Variants in CDH6 observed in about 807,000 individuals in gnomAD.
The protein encoded by CDH6 is cadherin 6, also known as cadherin-6.
A neutral mutation model predicts 78.0 loss-of-function variants in CDH6; 31 were observed. That is an observed-to-expected ratio of 0.40 (90% CI 0.30 to 0.54). CDH6 has a LOEUF of 0.54. CDH6 is among the 20% of genes least tolerant of loss of function. CDH6 has a pLI of 0.56. For synonymous variants in CDH6, 376 were observed against 368.8 expected (o/e 1.02, Z -0.23); for missense variants, 724 against 975.9 (o/e 0.74, Z 3.44).
chr5:31,246,950 C>G (rs1385021134), intron 1 of CDH6, among the ~76,000 whole-genome samples: 2 of 152,114 alleles, frequency 1.3e-5, no homozygotes, highest in Non-Finnish European at 2.9e-5. Flanking sequence ...GGGGTTTCAC[C>G]ATGTTAGCCA....
chr5:31,296,707 C>CG (rs1737615591), intron 3 of CDH6, among the ~76,000 whole-genome samples: 1 of 152,154 alleles, frequency 6.6e-6, no homozygotes, highest in African/African-American at 2.4e-5. Context: ...TGTCACATTA[C>CG]TTAAGTCCAA....
chr5:31,238,747 A>C (rs1460112151), intron 1 of CDH6, among the ~76,000 whole-genome samples: 2 of 152,308 alleles, frequency 1.3e-5, no homozygotes, highest in East Asian at 3.9e-4. Flanking sequence ...CAATATCTCA[A>C]GTGCCAATAG....
chr5:31,197,550 C>G (rs1464471086), intron 1 of CDH6, among the ~76,000 whole-genome samples: 3 of 152,164 alleles, frequency 2.0e-5, no homozygotes, highest in Non-Finnish European at 4.4e-5. Context: ...TGTAGACAAT[C>G]AAACTTTCTC....
chr5:31,227,168 C>T (rs1173774272), intron 1 of CDH6, among the ~76,000 whole-genome samples: 1 of 152,086 alleles, frequency 6.6e-6, no homozygotes, highest in African/African-American at 2.4e-5. Flanking sequence ...CACCCTATCC[C>T]ACTTCACCCC....
intron 1 of CDH6, among the ~76,000 whole-genome samples, chr5:31,232,650 G>A (rs1741345107): frequency 6.6e-6 from 1 of 152,208 alleles, no homozygotes; most frequent in African/African-American, 2.4e-5. Flanking sequence ...CAAAGCAAAT[G>A]GATTTGAGTG....
chr5:31,218,541 A>C (rs1740927169), intron 1 of CDH6, among the ~76,000 whole-genome samples: 1 of 152,096 alleles, frequency 6.6e-6, no homozygotes, highest in South Asian at 2.1e-4. Context: ...ATCTTCCCCC[A>C]TTCTACCCAA....
intron 3 of CDH6, among the ~76,000 whole-genome samples, chr5:31,295,422 G>A (rs1324953347): frequency 1.3e-5 from 2 of 152,072 alleles, no homozygotes; most frequent in East Asian, 3.9e-4. Flanking sequence ...CAGCTATGCA[G>A]GTATTGCACT....
chr5:31,280,340 A>G (rs551641617), intron 2 of CDH6, among the ~76,000 whole-genome samples: 1 of 152,310 alleles, frequency 6.6e-6, no homozygotes, highest in Non-Finnish European at 1.5e-5. Flanking sequence ...ATGTACAAGC[A>G]TTCCTCAGGT....
At chr5:31,240,590 C>T (rs1380198518) in intron 1 of CDH6, among the ~76,000 whole-genome samples, 2 of 152,160 alleles carry the variant, frequency 1.3e-5, no homozygotes, top group Non-Finnish European at 2.9e-5. Flanking sequence ...CCTCCCTCTG[C>T]TAGGAAAACT....
At chr5:31,239,340 C>G (rs1223371600) in intron 1 of CDH6, among the ~76,000 whole-genome samples, 1 of 152,148 alleles carries the variant, frequency 6.6e-6, no homozygotes, top group Non-Finnish European at 1.5e-5. Context: ...TTCTTGGCTT[C>G]AAGTTCAGAC....
At chr5:31,215,270 C>G (rs1740831891) in intron 1 of CDH6, among the ~76,000 whole-genome samples, 1 of 152,188 alleles carries the variant, frequency 6.6e-6, no homozygotes, top group Non-Finnish European at 1.5e-5. Context: ...CTACACTGGT[C>G]CCTGAAATAG....
Position 31,281,288 on chromosome 5 carries a change from T to A in CDH6, c.229-12674T>A, listed in dbSNP as rs576885869. 1.0e-3 allele frequency among the ~76,000 whole-genome samples: 140 copies of A among 138,974 alleles called. 5 individuals carry two copies. Among genetic ancestry groups the A allele is most frequent in the Non-Finnish European group, 4.2e-4 (28 of 66,580 alleles). 91.2% of individuals were successfully genotyped at this position (138,974 alleles called of 152,430 possible). A position where few individuals can be genotyped will look rare whatever the true frequency, so the allele number is the denominator to read the frequency against. On this transcript the variant is annotated intron_variant, in intron 2 of 11. Transcript: ENST00000265071. Reference sequence around the variant, plus strand: ...TATTGATACTCTCCTCCAAGACATATGTGTCAAAGAGAAAGAGAGAGAGAG... The same window carrying A: ...TATTGATACTCTCCTCCAAGACATAAGTGTCAAAGAGAAAGAGAGAGAGAG...
Position 31,323,785 on chromosome 5 carries a change from A to T in CDH6, c.*477A>T, listed in dbSNP as rs1183349683. 4.3e-6 allele frequency: 1 copy of T among 231,794 alleles called. No homozygotes were observed. The highest frequency in any genetic ancestry group is 2.2e-5 in the African/African-American group (1 of 45,252). 14.4% of individuals were successfully genotyped at this position (231,794 alleles called of 1,614,324 possible). On this transcript the variant is annotated 3_prime_UTR_variant, in exon 12 of 12. Coordinates refer to ENST00000265071, the MANE Select transcript of CDH6 (RefSeq NM_004932.4). ...CTACATAGGGGTGTTTATTTGTGTC[A>T]CAAAGAATTTAAAATAACACTTGCC...
At chr5:31,199,687 A>G (rs4867318) in intron 1 of CDH6, among the ~76,000 whole-genome samples, 22,863 of 64,354 alleles carry the variant, frequency 0.36, 2,342 homozygotes, top group African/African-American at 0.39. Flanking sequence ...GTGTGTGTGT[A>G]TATATATATA....
chr5:31,302,959 G>A (rs1737866215), intron 6 of CDH6, among the ~76,000 whole-genome samples: 9 of 121,600 alleles, frequency 7.4e-5, no homozygotes, highest in Non-Finnish European at 1.1e-4. Flanking sequence ...AAGAAAGAAG[G>A]AAAGAAAAGA....
chr5:31,258,559 C>A (rs1302887739), intron 1 of CDH6, among the ~76,000 whole-genome samples: 3 of 151,880 alleles, frequency 2.0e-5, no homozygotes, highest in Non-Finnish European at 4.4e-5. Context: ...ATGGGTGCAA[C>A]AAACCACCAT....
intron 1 of CDH6, among the ~76,000 whole-genome samples, chr5:31,199,341 C>T (rs909019813): frequency 5.5e-5 from 8 of 146,502 alleles, no homozygotes; most frequent in Non-Finnish European, 7.5e-5. Context: ...TGTGTATATA[C>T]ATATGGTGTA....
At chr5:31,298,096 G>A (rs1370494317) in intron 4 of CDH6, among the ~76,000 whole-genome samples, 1 of 152,162 alleles carries the variant, frequency 6.6e-6, no homozygotes, top group Non-Finnish European at 1.5e-5. Context: ...AAAGTGAAAT[G>A]CCATCTGGAA....
At chr5:31,298,223 C>T (rs1737665978) in intron 4 of CDH6, among the ~76,000 whole-genome samples, 1 of 152,282 alleles carries the variant, frequency 6.6e-6, no homozygotes, top group African/African-American at 2.4e-5. Context: ...AAATTGCACA[C>T]ATATTTTTAT....
Sources: allele counts gnomAD v4.1 joint callset (sites outside exome capture counted in the v4.1 genomes callset), GRCh38; gene constraint gnomAD v4.1.1; transcripts MANE v1.5; gene names NCBI Gene and HGNC (gene_info 2026-07-23, HGNC 2026-07-21).